The following DPP10 variants were observed in gnomAD, a reference collection of about 807,000 sequenced individuals.
DPP10 encodes the protein inactive dipeptidyl peptidase 10.
A neutral mutation model predicts 120.9 loss-of-function variants in DPP10; 33 were observed. That is an observed-to-expected ratio of 0.27 (90% CI 0.21 to 0.37). DPP10 has a LOEUF of 0.37. DPP10 is among the 10% of genes least tolerant of loss of function. The pLI, the probability that DPP10 is intolerant of heterozygous loss-of-function variation, is 1.00. For missense variants in DPP10, 816 were observed against 942.8 expected (o/e 0.87, Z 1.76); for synonymous variants, 337 against 326.1 (o/e 1.03, Z -0.36).
chr2:115,819,815 G>A (rs1477129618), intron 21 of DPP10, among the ~76,000 whole-genome samples: 1 of 152,110 alleles, frequency 6.6e-6, no homozygotes. Flanking sequence ...CCAACATGGA[G>A]AAACCCCTGT....
intron 3 of DPP10, among the ~76,000 whole-genome samples, chr2:115,425,950 G>A (rs148047395): frequency 3.4e-3 from 523 of 152,228 alleles, no homozygotes; most frequent in African/African-American, 0.011. Context: ...ACTAAATCTC[G>A]TGAGAACTGA....
At chr2:114,552,655 C>T (rs1687977428) in intron 1 of DPP10, among the ~76,000 whole-genome samples, 1 of 152,162 alleles carries the variant, frequency 6.6e-6, no homozygotes, top group Admixed American at 6.5e-5. Context: ...AAGCAATTCT[C>T]ATGCCTCAGC....
intron 12 of DPP10, among the ~76,000 whole-genome samples, chr2:115,767,482 TGTGTGTGTATATATATATACACATA>T (rs1201609572): frequency 6.9e-6 from 1 of 145,066 alleles, no homozygotes; most frequent in Non-Finnish European, 1.6e-5. Context: ...TATGTGTGTG[TGTGTGTGTATATATATATACACATA>T]GTGTGTGTGT....
At chr2:114,973,030 G>T (rs975943392) in intron 1 of DPP10, among the ~76,000 whole-genome samples, 2 of 151,948 alleles carry the variant, frequency 1.3e-5, no homozygotes, top group East Asian at 3.9e-4. Flanking sequence ...TTTTATTTTT[G>T]CAGTTAATGA....
At chr2:115,580,498 CTCTCTG>C (rs3043899) in intron 5 of DPP10, among the ~76,000 whole-genome samples, 62,605 of 151,266 alleles carry the variant, frequency 0.41, 15,809 homozygotes, top group Non-Finnish European at 0.57. Context: ...TATAATAATC[CTCTCTG>C]TCTCTGTGAC....
intron 1 of DPP10, among the ~76,000 whole-genome samples, chr2:115,280,138 A>G (rs2060098418): frequency 6.6e-6 from 1 of 152,194 alleles, no homozygotes; most frequent in African/African-American, 2.4e-5. Context: ...GTTGAAAGAC[A>G]TGTTTTTTGG....
At chr2:115,169,944 T>C (rs2105048827) in intron 1 of DPP10, among the ~76,000 whole-genome samples, 1 of 152,306 alleles carries the variant, frequency 6.6e-6, no homozygotes, top group East Asian at 1.9e-4. Context: ...TAAATGAAGA[T>C]TCAGTTTCTT....
intron 1 of DPP10, among the ~76,000 whole-genome samples, chr2:114,572,467 T>C (rs1273671195): frequency 6.6e-6 from 1 of 152,200 alleles, no homozygotes. Flanking sequence ...ATCTCAGAGT[T>C]GGTAGTGGCA....
At chr2:115,816,379 C>T (rs1389052160) in intron 21 of DPP10, among the ~76,000 whole-genome samples, 1 of 152,114 alleles carries the variant, frequency 6.6e-6, no homozygotes, top group African/African-American at 2.4e-5. Context: ...TCAAATAAAT[C>T]TCTTGAAGCA....
chr2:114,944,902 TA>T (rs1187329227), intron 1 of DPP10, among the ~76,000 whole-genome samples: 2 of 152,184 alleles, frequency 1.3e-5, no homozygotes, highest in African/African-American at 4.8e-5. Context: ...CATAAGTTGC[TA>T]GAACAAAACA....
At chr2:114,961,150 C>T (rs868357579) in intron 1 of DPP10, among the ~76,000 whole-genome samples, 3 of 136,850 alleles carry the variant, frequency 2.2e-5, no homozygotes, top group Non-Finnish European at 3.1e-5. Flanking sequence ...CTCCCGGGTT[C>T]AAGCAGCAAT....
At chr2:114,487,569 T>C (rs887992571) in intron 1 of DPP10, among the ~76,000 whole-genome samples, 1 of 152,194 alleles carries the variant, frequency 6.6e-6, no homozygotes, top group Admixed American at 6.5e-5. Flanking sequence ...ATTGAACAAT[T>C]AAAAATGTTT....
At chr2:114,913,178 G>A (rs1348000623) in intron 1 of DPP10, among the ~76,000 whole-genome samples, 1 of 152,180 alleles carries the variant, frequency 6.6e-6, no homozygotes, top group African/African-American at 2.4e-5. Context: ...CTAACAGTTG[G>A]ATAGCTTCTG....
At chr2:115,754,732 C>A (rs1391469689) in intron 11 of DPP10, among the ~76,000 whole-genome samples, 1 of 152,086 alleles carries the variant, frequency 6.6e-6, no homozygotes, top group African/African-American at 2.4e-5. Context: ...ATAACCTACT[C>A]ACCTTCCTCA....
At chr2:114,496,560 A>G (rs1490876941) in intron 1 of DPP10, among the ~76,000 whole-genome samples, 3 of 152,022 alleles carry the variant, frequency 2.0e-5, no homozygotes, top group Admixed American at 6.6e-5. Flanking sequence ...GGCCTCTTTT[A>G]TGAGGGCACT....
At chr2:114,622,220 G>C (rs1573813563) in intron 1 of DPP10, among the ~76,000 whole-genome samples, 2 of 151,966 alleles carry the variant, frequency 1.3e-5, no homozygotes, top group East Asian at 3.9e-4. Context: ...GTATATGGTA[G>C]ATACTTCACT....
At chr2:115,212,963 T>C (rs1041189123) in intron 1 of DPP10, among the ~76,000 whole-genome samples, 7 of 152,140 alleles carry the variant, frequency 4.6e-5, no homozygotes, top group African/African-American at 9.7e-5. Flanking sequence ...AGTTCATTTA[T>C]ATAATCACAA....
chr2:115,327,991 GTTA>G (rs2062465857), intron 2 of DPP10, among the ~76,000 whole-genome samples: 3 of 152,004 alleles, frequency 2.0e-5, no homozygotes, highest in Non-Finnish European at 4.4e-5. Context: ...ATGTCTTCGT[GTTA>G]TTATGAATAC....
chr2:115,656,366 G>A (rs1232408800), intron 5 of DPP10, among the ~76,000 whole-genome samples: 3 of 151,472 alleles, frequency 2.0e-5, no homozygotes, highest in African/African-American at 7.3e-5. Flanking sequence ...GTTTTTCTTA[G>A]GCTCAAATTG....
Sources: allele counts gnomAD v4.1 joint callset (sites outside exome capture counted in the v4.1 genomes callset), GRCh38; gene constraint gnomAD v4.1.1; transcripts MANE v1.5; gene names NCBI Gene and HGNC (gene_info 2026-07-23, HGNC 2026-07-21).